Variants in JAK1 observed in about 807,000 individuals in gnomAD.
JAK1 encodes Janus kinase 1.
In JAK1, 16 loss-of-function variants were observed where a neutral mutation model predicts 136.6. That is an observed-to-expected ratio of 0.12 (90% confidence interval 0.08 to 0.18). JAK1 has a LOEUF of 0.18. Ranked by LOEUF, JAK1 falls within the 10% of genes least tolerant of loss-of-function variation. The pLI, the probability that JAK1 is intolerant of heterozygous loss-of-function variation, is 1.00. For synonymous variants in JAK1, 492 were observed against 519.5 expected (o/e 0.95, Z 0.72); for missense variants, 859 against 1,450.1 (o/e 0.59, Z 6.62).
At chr1:65,003,059 G>T (rs1646775630) in intron 2 of JAK1, among the ~76,000 whole-genome samples, 1 of 139,144 alleles carries the variant, frequency 7.2e-6, no homozygotes, top group African/African-American at 2.7e-5. Context: ...CACCGCAGCA[G>T]CCTCCCCCGC....
Position 64,866,999 on chromosome 1 carries a change from A to G in JAK1, c.857T>C (p.Phe286Ser). The G allele has an allele frequency of 6.2e-7, 1 of 1,614,264 alleles. No homozygotes were observed. Among genetic ancestry groups the G allele is most frequent in the East Asian group, 2.2e-5 (1 of 44,894 alleles). ...TLTKHYGAEI[F>S]ETSMLLISSE... is the part of the protein sequence containing the mutation. ...TGAAATCAGTAACATGGAAGTCTCA[A>G]ATATTTCAGCACCGTAATGTTTTGT... Residue 286 changes from phenylalanine to serine, a missense_variant, in exon 7 of 25, where the codon TTT (phenylalanine) becomes TCT (serine). Physicochemically the swap from Phe to Ser is radical, Grantham distance 155. Coordinates refer to ENST00000342505, the MANE Select transcript of JAK1 (RefSeq NM_002227.4).
intron 1 of JAK1, among the ~76,000 whole-genome samples, chr1:65,051,102 T>C (rs1307835397): frequency 6.6e-6 from 1 of 152,142 alleles, no homozygotes; most frequent in East Asian, 1.9e-4. Context: ...ATGCAGGGGA[T>C]AAGCATTTAT....
chr1:65,032,346 T>C (rs1037628493), intron 2 of JAK1, among the ~76,000 whole-genome samples: 1 of 152,236 alleles, frequency 6.6e-6, no homozygotes, highest in Admixed American at 6.5e-5. Flanking sequence ...ACAGTGCTAA[T>C]TTCTATTGGA....
At position 64,984,632 on chromosome 1, in the gene JAK1, C is replaced by G; in HGVS notation, c.-78+59848G>C. 1 of 489,158 alleles carries G rather than the reference C, an allele frequency of 2.0e-6. No homozygotes were observed. The highest frequency in any genetic ancestry group is 3.9e-6 in the Non-Finnish European group (1 of 256,670). The allele number at this position is 489,158 out of a possible 1,614,324, so 30.3% of individuals were successfully genotyped here. On this transcript the variant is annotated intron_variant, in intron 2 of 25. Coordinates refer to the JAK1 transcript ENST00000671954. The surrounding 1 kb of genome is among the most constrained non-coding windows in gnomAD (Gnocchi z 4.1). ...TAGACATTGGTGGTGGTCTCCTTAG[C>G]AGGCTGGATACTGTTCATCTCCATG...
intron 2 of JAK1, among the ~76,000 whole-genome samples, chr1:65,028,481 AAGGGAGGG>A (rs55960932): frequency 1.1e-4 from 14 of 122,160 alleles, no homozygotes; most frequent in South Asian, 1.0e-3. Context: ...GAAAGGAAGG[AAGGGAGGG>A]AGGGAGGGAG....
intron 2 of JAK1, among the ~76,000 whole-genome samples, chr1:64,982,275 A>T (rs1646555153): frequency 6.6e-6 from 1 of 152,124 alleles, no homozygotes; most frequent in African/African-American, 2.4e-5. Flanking sequence ...TGACATTCAG[A>T]TGAGTTGGGC....
intron 2 of JAK1, among the ~76,000 whole-genome samples, chr1:65,028,676 T>C (rs1646998573): frequency 6.6e-6 from 1 of 152,198 alleles, no homozygotes; most frequent in Admixed American, 6.5e-5. Flanking sequence ...GAACTTTAAG[T>C]CAAAGACAGA....
In JAK1 at chr1:64,883,307, C is replaced by G. The variant is rs889418968; in HGVS notation, c.175G>C (p.Glu59Gln). The change falls in exon 3 of 25, where the codon GAA becomes CAA. Residue 59 changes from glutamate to glutamine, a missense_variant. Glu to Gln is a conservative substitution (Grantham distance 29). This residue lies in a region of JAK1 where 353 missense variants were observed against 494.0 expected (regional missense o/e 0.71). Transcript: ENST00000342505. Reference sequence around the variant, plus strand: ...GCCTGTGCAGCCCTGATGCACAGTTCCTCTGCTGTGTACTCTCCACTGCCC... The same window carrying G: ...GCCTGTGCAGCCCTGATGCACAGTTGCTCTGCTGTGTACTCTCCACTGCCC... The part of the protein sequence containing the change: ...RLGSGEYTAE[E>Q]LCIRAAQACR... The G allele has an allele frequency of 1.2e-6, 2 of 1,614,082 alleles. No homozygotes were observed. The highest frequency in any genetic ancestry group is 1.7e-5 in the Admixed American group (1 of 60,028).
intron 2 of JAK1, among the ~76,000 whole-genome samples, chr1:65,014,587 G>A (rs927112077): frequency 6.6e-6 from 1 of 152,006 alleles, no homozygotes; most frequent in Non-Finnish European, 1.5e-5. Flanking sequence ...GCAGTGAGAT[G>A]GACCACTAAC....
intron 17 of JAK1, 106 bp from the exon 18 acceptor site, chr1:64,841,707 C>T (rs561098712): frequency 8.9e-7 from 1 of 1,127,842 alleles, no homozygotes; most frequent in African/African-American, 1.5e-5. Context: ...CTCAACATCT[C>T]CACTTACAGG....
At chr1:64,967,541 G>T (rs374741449), upstream of JAK1, among the ~76,000 whole-genome samples, 44 of 152,312 alleles carry the variant, frequency 2.9e-4, no homozygotes, top group African/African-American at 1.0e-3. Context: ...TCAGAATTCT[G>T]CAGCTTCAGG....
chr1:64,877,170 G>A (rs191166456), intron 4 of JAK1, among the ~76,000 whole-genome samples: 15 of 152,238 alleles, frequency 9.9e-5, no homozygotes, highest in South Asian at 4.1e-4. Context: ...AACAGAAAAC[G>A]ATAATTGAAA....
intron 20 of JAK1, among the ~76,000 whole-genome samples, chr1:64,839,100 T>C (rs568459142): frequency 4.8e-4 from 65 of 135,986 alleles, no homozygotes; most frequent in East Asian, 3.9e-3. Flanking sequence ...GAGCCGAGAT[T>C]GCGCCACTGC....
intron 2 of JAK1, among the ~76,000 whole-genome samples, chr1:65,002,758 C>T (rs939839485): frequency 6.6e-6 from 1 of 152,160 alleles, no homozygotes; most frequent in Non-Finnish European, 1.5e-5. Flanking sequence ...AGCGCGAGCC[C>T]GGACTTCCCC....
At chr1:64,940,132 A>C (rs1394844820) in intron 1 of JAK1, among the ~76,000 whole-genome samples, 1 of 152,176 alleles carries the variant, frequency 6.6e-6, no homozygotes, top group Non-Finnish European at 1.5e-5. Flanking sequence ...CTTCAAGGAG[A>C]GAAAACCGGT....
chr1:65,062,127 C>G (rs1174703865), intron 1 of JAK1, among the ~76,000 whole-genome samples: 1 of 152,126 alleles, frequency 6.6e-6, no homozygotes, highest in African/African-American at 2.4e-5. Flanking sequence ...TCCAAAAAGG[C>G]TCCAGGAGAC....
chr1:64,962,533 C>T (rs771024842), intron 1 of JAK1, among the ~76,000 whole-genome samples: 3 of 152,234 alleles, frequency 2.0e-5, no homozygotes, highest in Non-Finnish European at 4.4e-5. Flanking sequence ...GCTTTCCTGT[C>T]GCCTTAAACT....
intron 2 of JAK1, chr1:64,994,982 C>T (rs1245312125): frequency 7.1e-6 from 1 of 141,532 alleles, no homozygotes; most frequent in Non-Finnish European, 1.5e-5. Context: ...AAAAAAAAAA[C>T]CTACCCAGAA....
chr1:64,848,736 G>C (rs908809807), intron 12 of JAK1, among the ~76,000 whole-genome samples: 2 of 152,166 alleles, frequency 1.3e-5, no homozygotes, highest in Non-Finnish European at 2.9e-5. Context: ...CTTGTAAACT[G>C]AAGATCCATT....
Sources: gnomAD v4.1 joint callset for allele counts (sites outside exome capture counted in the v4.1 genomes callset) on GRCh38, gnomAD v4.1.1 for gene constraint, gnomAD v4.1.1 regional missense constraint, Gnocchi (gnomAD v3.1) non-coding constraint, MANE v1.5 for transcripts, NCBI Gene and HGNC (gene_info 2026-07-23, HGNC 2026-07-21) for gene names.